Variants in LTBP2 observed in about 807,000 individuals in gnomAD.
LTBP2 encodes the protein latent transforming growth factor beta binding protein 2, also known as latent-transforming growth factor beta-binding protein 2.
In LTBP2, 103 loss-of-function variants were observed where a neutral mutation model predicts 210.6. The observed-to-expected ratio is 0.49, with a 90% CI of 0.42 to 0.58. The LOEUF (loss-of-function observed/expected upper bound fraction) is 0.58. Among genes scored for constraint, LTBP2 ranks in the 20% least tolerant of loss-of-function variants. LTBP2 has a pLI of 0.00. For synonymous variants in LTBP2, 1,007 were observed against 1,015.0 expected (o/e 0.99, Z 0.15); for missense variants, 2,313 against 2,494.5 (o/e 0.93, Z 1.55).
chr14:74,609,359 A>G (rs1238761369), intron 1 of LTBP2, among the ~76,000 whole-genome samples: 4 of 152,182 alleles, frequency 2.6e-5, no homozygotes, highest in Admixed American at 1.3e-4. Flanking sequence ...GCCTGTTCAC[A>G]TCCACCAGCT....
intron 3 of LTBP2, among the ~76,000 whole-genome samples, chr14:74,564,498 A>G (rs1031293411): frequency 1.4e-5 from 2 of 145,036 alleles, no homozygotes; most frequent in Non-Finnish European, 3.0e-5. Flanking sequence ...AGGTTCAAGC[A>G]ATTCTTCTGC....
chr14:74,530,378 G>A (rs1197136917), intron 10 of LTBP2, among the ~76,000 whole-genome samples: 1 of 152,212 alleles, frequency 6.6e-6, no homozygotes, highest in Non-Finnish European at 1.5e-5. Context: ...TGTAGGCCTA[G>A]AGCATCTGGT....
At chr14:74,529,469 G>C (rs962376234) in intron 10 of LTBP2, among the ~76,000 whole-genome samples, 1 of 152,164 alleles carries the variant, frequency 6.6e-6, no homozygotes, top group African/African-American at 2.4e-5. Context: ...GGGTTGAGCG[G>C]GCAGCAGTAT....
chr14:74,592,543 TA>T (rs1264848750), intron 2 of LTBP2, among the ~76,000 whole-genome samples: 1 of 151,640 alleles, frequency 6.6e-6, no homozygotes, highest in Non-Finnish European at 1.5e-5. Context: ...AAAAAAACTT[TA>T]AAAATTAGCT....
intron 3 of LTBP2, among the ~76,000 whole-genome samples, chr14:74,557,942 C>T (rs1349643624): frequency 6.6e-6 from 1 of 152,222 alleles, no homozygotes; most frequent in Non-Finnish European, 1.5e-5. Context: ...GCCTCGGGGG[C>T]ATCCCTTCCC....
intron 19 of LTBP2, 146 bp from the exon 20 acceptor site, chr14:74,510,359 C>T (rs2087055379): frequency 3.4e-6 from 4 of 1,177,728 alleles, no homozygotes; most frequent in Admixed American, 4.0e-5. Context: ...TGAGGCCATG[C>T]TCCCTCCTCC....
At chr14:74,590,216 C>T (rs996279332) in intron 2 of LTBP2, among the ~76,000 whole-genome samples, 3 of 152,150 alleles carry the variant, frequency 2.0e-5, no homozygotes, top group African/African-American at 4.8e-5. Context: ...TTAGTACCAC[C>T]CCTATGGAAA....
Position 74,504,850 on chromosome 14 carries a change from C to G in LTBP2, c.4381G>C (p.Glu1461Gln), listed in dbSNP as rs1227076399. 6.2e-7 allele frequency: 1 copy of G among 1,614,224 alleles called. No individual in the cohort carries two copies. ...CPSEDSAEFSEICPSGKGYIP... is the reference protein window; with the variant it reads ...CPSEDSAEFSQICPSGKGYIP... ...TAGCCTTTTCCACTAGGGCAGATCT[C>G]GCTGAATTCAGCTATGTAGAGAGGC... The change falls in exon 30 of 36, where the codon GAG (glutamate) becomes CAG (glutamine). Residue 1461 changes from glutamate (E) to glutamine (Q), a missense_variant. Transcript: ENST00000261978.
intron 3 of LTBP2, among the ~76,000 whole-genome samples, chr14:74,572,447 CT>C (rs111500139): frequency 3.6e-3 from 517 of 143,702 alleles, no homozygotes; most frequent in African/African-American, 7.3e-3. Flanking sequence ...GAATGCCTCC[CT>C]TTTTTTTTTT....
In LTBP2 at chr14:74,586,168, C is replaced by G; in HGVS notation, c.566-50G>C. ...CAGCAGTGGCCATAGGGCACTGAGA[C>G]CACAGCTGCCCACACCTTCCTGTCA... is the stretch of plus-strand genomic sequence containing the variant. On this transcript the variant is annotated intron_variant, in intron 2 of 35. Coordinates refer to ENST00000261978, the MANE Select transcript of LTBP2 (RefSeq NM_000428.3). This position sits in a 1 kb window ranked among gnomAD's most constrained non-coding sequence, Gnocchi z 4.6. 6.5e-7 allele frequency: 1 copy of G among 1,543,836 alleles called. No individual in the cohort carries two copies. Among genetic ancestry groups the G allele is most frequent in the Non-Finnish European group, 8.8e-7 (1 of 1,141,646 alleles).
At chr14:74,526,567 T>G in intron 13 of LTBP2, among the ~76,000 whole-genome samples, 1 of 151,550 alleles carries the variant, frequency 6.6e-6, no homozygotes, top group Non-Finnish European at 1.5e-5. Flanking sequence ...TGCTGAGAGG[T>G]GGGGATGTAA....
intron 3 of LTBP2, among the ~76,000 whole-genome samples, chr14:74,559,419 C>T (rs2087765851): frequency 1.3e-5 from 2 of 152,098 alleles, no homozygotes; most frequent in South Asian, 4.1e-4. Context: ...AAGAAGCTCC[C>T]AGGTTTTTTT....
At chr14:74,543,070 T>G (rs542001875) in intron 8 of LTBP2, among the ~76,000 whole-genome samples, 1 of 151,906 alleles carries the variant, frequency 6.6e-6, no homozygotes, top group Non-Finnish European at 1.5e-5. Flanking sequence ...CCTGGCTGAA[T>G]TTTTTCATCT....
At chr14:74,600,691 C>A (rs940111554) in intron 2 of LTBP2, among the ~76,000 whole-genome samples, 9 of 152,278 alleles carry the variant, frequency 5.9e-5, no homozygotes, top group Non-Finnish European at 1.3e-4. Flanking sequence ...CAAACCTCAG[C>A]AACATTCTCC....
In LTBP2 at chr14:74,528,972, G is replaced by A. The variant is rs745848887; in HGVS notation, c.2138C>T (p.Pro713Leu). 3.7e-6 allele frequency: 6 copies of A among 1,611,150 alleles called. No homozygotes were observed. The highest frequency in any genetic ancestry group is 1.1e-5 in the South Asian group (1 of 90,468). ...KAWGSECEKC[P>L]LPGTEAFREI... Reference sequence around the variant, plus strand: ...CAGGAGGTTACCTGTGCCAGGCAGAGGGCATTTCTCACACTCGCTGCCCCA... The same window carrying A: ...CAGGAGGTTACCTGTGCCAGGCAGAAGGCATTTCTCACACTCGCTGCCCCA... The change falls in exon 11 of 36, where the codon CCT (proline) becomes CTT (leucine). Residue 713 changes from proline (P) to leucine (L), a missense_variant. By Grantham distance (98) the Pro-to-Leu change is moderately conservative. This residue lies in a region of LTBP2 where 1,867 missense variants were observed against 1,976.9 expected (regional missense o/e 0.94). Coordinates refer to ENST00000261978, the MANE Select transcript of LTBP2 (RefSeq NM_000428.3).
At chr14:74,546,998 G>T (rs950064378) in intron 8 of LTBP2, among the ~76,000 whole-genome samples, 2 of 152,190 alleles carry the variant, frequency 1.3e-5, no homozygotes, top group African/African-American at 4.8e-5. Context: ...CCTGGCTGAG[G>T]GCAACAGGCC....
chr14:74,555,331 C>T (rs2087714779), intron 4 of LTBP2, among the ~76,000 whole-genome samples, 172 bp downstream of exon 4: 1 of 152,012 alleles, frequency 6.6e-6, no homozygotes, highest in South Asian at 2.1e-4. Flanking sequence ...GGTTTAGGAC[C>T]CCTGGACCCC....
Position 74,517,313 on chromosome 14 carries a change from A to G in LTBP2, c.2789-372T>C, listed in dbSNP as rs541479031. On this transcript the variant is annotated intron_variant, in intron 17 of 35. Transcript: ENST00000261978. ...CCCACCCCGCTCCTGGCCCCACTAT[A>G]TCCCCTTCGGGTCTGCTCCTGGAGT... Among the ~76,000 whole-genome samples the G allele has an allele frequency of 3.1e-3, 476 of 152,136 alleles. 2 individuals are homozygous for G. The highest frequency in any genetic ancestry group is 0.011 in the African/African-American group (455 of 41,490).
chr14:74,605,092 A>G (rs2088506049), intron 1 of LTBP2, among the ~76,000 whole-genome samples: 1 of 152,176 alleles, frequency 6.6e-6, no homozygotes, highest in Non-Finnish European at 1.5e-5. Flanking sequence ...ACTAGAGGGT[A>G]AGAGGGGAGG....
Sources: allele counts gnomAD v4.1 joint callset (sites outside exome capture counted in the v4.1 genomes callset), GRCh38; gene constraint gnomAD v4.1.1; regional missense constraint gnomAD v4.1.1; non-coding constraint Gnocchi (gnomAD v3.1); transcripts MANE v1.5; gene names NCBI Gene and HGNC (gene_info 2026-07-23, HGNC 2026-07-21).